Variants in TXNDC11 observed in about 807,000 individuals in gnomAD.
The protein encoded by TXNDC11 is thioredoxin domain containing 11.
A neutral mutation model predicts 78.0 loss-of-function variants in TXNDC11; 68 were observed. The observed-to-expected ratio is 0.87, with a 90% CI of 0.72 to 1.07. The LOEUF (loss-of-function observed/expected upper bound fraction) is 1.07. TXNDC11 is among the 50% of genes least tolerant of loss of function. The pLI is 0.00. For synonymous variants in TXNDC11, 571 were observed against 495.2 expected, an observed-to-expected ratio of 1.15 and a Z score of -2.03; for missense variants, 1,389 against 1,221.8, an observed-to-expected ratio of 1.14 and a Z score of -2.04.
intron 4 of TXNDC11, among the ~76,000 whole-genome samples, chr16:11,727,742 A>G (rs891988075): frequency 7.5e-6 from 1 of 133,314 alleles, no homozygotes; most frequent in Admixed American, 9.4e-5. Flanking sequence ...TACTGCCACC[A>G]TTATAAGCAG....
At chr16:11,714,238 G>T (rs1239731372) in intron 5 of TXNDC11, among the ~76,000 whole-genome samples, 5 of 152,060 alleles carry the variant, frequency 3.3e-5, no homozygotes, top group African/African-American at 1.2e-4. Context: ...GCGAAAGGTT[G>T]GTCTCAAACT....
chr16:11,712,422 G>T (rs1229798260), intron 5 of TXNDC11, among the ~76,000 whole-genome samples: 1 of 152,088 alleles, frequency 6.6e-6, no homozygotes, highest in Admixed American at 6.5e-5. Flanking sequence ...TCCACCTAAG[G>T]AAGGCTGTCA....
At chr16:11,707,814 G>A (rs140478723) in intron 5 of TXNDC11, among the ~76,000 whole-genome samples, 276 of 152,148 alleles carry the variant, frequency 1.8e-3, no homozygotes, top group African/African-American at 6.0e-3. Flanking sequence ...GGGTATGGTA[G>A]CTCACATCTA....
At chr16:11,738,116 G>T (rs779146815) in intron 1 of TXNDC11, among the ~76,000 whole-genome samples, 39 of 152,098 alleles carry the variant, frequency 2.6e-4, no homozygotes, top group Middle Eastern at 3.2e-3. Flanking sequence ...AAAACGAAAA[G>T]CAAAACCTAT....
In TXNDC11 at chr16:11,691,812, C is replaced by T. The variant is rs375215030; in HGVS notation, c.1378G>A (p.Val460Met). 1.1e-5 allele frequency: 17 copies of T among 1,614,232 alleles called. No individual in the cohort carries two copies. The highest frequency in any genetic ancestry group is 5.5e-5 in the South Asian group (5 of 91,088). Reference protein sequence around the residue: ...SGGMKPSSVSVPQCSFFEMAA... With the variant: ...SGGMKPSSVSMPQCSFFEMAA... ...ATTTCAAAAAAGCTGCACTGTGGCA[C>T]GCTGACCGAGCTCGGCTTCATGCCC... The change falls in exon 8 of 12, where the codon GTG (valine) becomes ATG (methionine). Residue 460 changes from valine to methionine, a missense_variant. Transcript: ENST00000283033.
chr16:11,741,672 C>G (rs2052399138), intron 1 of TXNDC11, among the ~76,000 whole-genome samples: 1 of 152,226 alleles, frequency 6.6e-6, no homozygotes, highest in Admixed American at 6.5e-5. Flanking sequence ...GTTCACTGTC[C>G]CATCCACTCA....
At chr16:11,719,486 C>A (rs759437553) in intron 5 of TXNDC11, among the ~76,000 whole-genome samples, 4 of 152,176 alleles carry the variant, frequency 2.6e-5, no homozygotes, top group Non-Finnish European at 5.9e-5. Context: ...ATAGTAGATT[C>A]TCTGTCCATA....
intron 2 of TXNDC11, among the ~76,000 whole-genome samples, chr16:11,734,987 A>G (rs2052178909): frequency 6.6e-6 from 1 of 152,180 alleles, no homozygotes; most frequent in Admixed American, 6.5e-5. Flanking sequence ...ATAGCATTCC[A>G]GAGGAGTTCA....
chr16:11,738,023 T>C (rs1321343077), intron 1 of TXNDC11, among the ~76,000 whole-genome samples: 1 of 152,172 alleles, frequency 6.6e-6, no homozygotes, highest in Non-Finnish European at 1.5e-5. Context: ...ATAGTGAGCA[T>C]AAGAAATCTG....
chr16:11,684,056 G>T, intron 11 of TXNDC11, 109 bp downstream of exon 11: 1 of 780,338 alleles, frequency 1.3e-6, no homozygotes, highest in Non-Finnish European at 2.1e-6. Context: ...TGGTTCCTAA[G>T]GGAACATTTT....
chr16:11,680,713 A>C (rs1307629932), intron 11 of TXNDC11, among the ~76,000 whole-genome samples: 1 of 152,194 alleles, frequency 6.6e-6, no homozygotes, highest in Non-Finnish European at 1.5e-5. Flanking sequence ...AGGTGTTAAC[A>C]GAATGGAAGT....
At chr16:11,685,534 A>C (rs1426416337) in intron 10 of TXNDC11, among the ~76,000 whole-genome samples, 2 of 151,438 alleles carry the variant, frequency 1.3e-5, no homozygotes, top group African/African-American at 4.9e-5. Context: ...CTGTAGTCCC[A>C]GCTACTCGGG....
At chr16:11,713,704 C>T (rs2051436171) in intron 5 of TXNDC11, among the ~76,000 whole-genome samples, 1 of 152,198 alleles carries the variant, frequency 6.6e-6, no homozygotes, top group Non-Finnish European at 1.5e-5. Flanking sequence ...GTATGAGCCA[C>T]AGCGCCCGGC....
In TXNDC11 at chr16:11,709,276, G is replaced by C. The variant is rs564935416; in HGVS notation, c.794-8712C>G. ...CTGTGATTCTTTTTTTTTTGAGACA[G>C]AGTCTCGCACTGTCGCCCAGGCCTG... is the stretch of plus-strand genomic sequence containing the variant. On this transcript the variant is annotated intron_variant, in intron 5 of 11. Transcript: ENST00000283033. Among the ~76,000 whole-genome samples, 71 of 66,814 alleles carry C rather than the reference G, an allele frequency of 1.1e-3. 1 individual carries two copies. Among genetic ancestry groups the C allele is most frequent in the South Asian group, 9.6e-3 (24 of 2,512 alleles). 43.8% of individuals were successfully genotyped at this position (66,814 alleles called of 152,430 possible). A position where few individuals can be genotyped will look rare whatever the true frequency, so the allele number is the denominator to read the frequency against.
chr16:11,703,139 T>G (rs1307435607), intron 5 of TXNDC11, among the ~76,000 whole-genome samples: 2 of 152,026 alleles, frequency 1.3e-5, no homozygotes, highest in Admixed American at 1.3e-4. Flanking sequence ...AAACCCAACG[T>G]GGAATACAGC....
intron 4 of TXNDC11, among the ~76,000 whole-genome samples, chr16:11,726,311 G>A (rs111813320): frequency 0.025 from 3,816 of 152,066 alleles, 166 homozygotes; most frequent in African/African-American, 0.088. Context: ...GGCCGTGTGC[G>A]GTGCCTCACG....
intron 5 of TXNDC11, among the ~76,000 whole-genome samples, chr16:11,707,661 C>G (rs1455057887): frequency 6.6e-6 from 1 of 151,718 alleles, no homozygotes; most frequent in Non-Finnish European, 1.5e-5. Context: ...GTTGGCCAGG[C>G]TGGTCTCGAA....
chr16:11,687,082 A>G (rs907814771), intron 10 of TXNDC11, among the ~76,000 whole-genome samples: 1 of 152,210 alleles, frequency 6.6e-6, no homozygotes, highest in African/African-American at 2.4e-5. Context: ...TGGAAAATAT[A>G]TTAATGGTCC....
chr16:11,679,727 T>C lies in TXNDC11; in HGVS notation c.2345A>G (p.Asn782Ser), dbSNP rs760644439. 2 of 1,614,116 alleles carry C rather than the reference T, an allele frequency of 1.2e-6. No homozygotes were observed. The highest frequency in any genetic ancestry group is 8.5e-7 in the Non-Finnish European group (1 of 1,180,018). ...DPASSPQNVANSPTKECLQSE... is the reference protein window; with the variant it reads ...DPASSPQNVASSPTKECLQSE... ...CTGAAGACACTCCTTGGTAGGAGAG[T>C]TAGCCACATTCTGGGGGCTGGAAGC... The change falls in exon 12 of 12, where the codon AAC (asparagine) becomes AGC (serine). Residue 782 changes from asparagine to serine, a missense_variant. Transcript: ENST00000283033. The surrounding 1 kb of genome is among the most constrained non-coding windows in gnomAD (Gnocchi z 4.6).
Sources: allele counts gnomAD v4.1 joint callset (sites outside exome capture counted in the v4.1 genomes callset), GRCh38; gene constraint gnomAD v4.1.1; non-coding constraint Gnocchi (gnomAD v3.1); transcripts MANE v1.5; gene names NCBI Gene and HGNC (gene_info 2026-07-23, HGNC 2026-07-21).